The following LONRF2 variants were observed in gnomAD, a reference collection of about 807,000 sequenced individuals.
LONRF2 encodes the protein LON peptidase N-terminal domain and RING finger protein 2.
Under a neutral mutation model 66.6 loss-of-function variants are expected in LONRF2, and 35 were observed. The observed-to-expected ratio is 0.53, with a 90% CI of 0.40 to 0.70. The LOEUF is 0.70. LONRF2 is among the 30% of genes least tolerant of loss of function. The pLI, the probability that LONRF2 is intolerant of heterozygous loss-of-function variation, is 0.00. For missense variants in LONRF2, 902 were observed against 1,002.1 expected (o/e 0.90, Z 1.35); for synonymous variants, 417 against 418.1 (o/e 1.00, Z 0.03).
chr2:100,293,385 C>T (rs1264309896), intron 9 of LONRF2, among the ~76,000 whole-genome samples: 1 of 152,242 alleles, frequency 6.6e-6, no homozygotes, highest in Non-Finnish European at 1.5e-5. Context: ...GTCTCCTCTT[C>T]TTCCTGGGCA....
Position 100,302,902 on chromosome 2 carries a change from C to G in LONRF2, c.921+19G>C, listed in dbSNP as rs996648010. ...ATAAATAAGACCTGATAGAGAAAGT[C>G]CTTTAACAGAACTCATACCTTCTGT... On this transcript the variant is annotated intron_variant, in intron 3 of 11. Transcript: ENST00000393437. The G allele has an allele frequency of 3.8e-6, 6 of 1,574,626 alleles. No individual in the cohort carries two copies. In the Admixed American group the frequency reaches 1.1e-4, roughly 29 times the overall value.
intron 10 of LONRF2, among the ~76,000 whole-genome samples, chr2:100,289,046 T>C (rs1043381602): frequency 6.6e-6 from 1 of 152,242 alleles, no homozygotes; most frequent in Non-Finnish European, 1.5e-5. Context: ...GGTTAATAAA[T>C]TCAAGTCTTT....
At chr2:100,288,168 C>A (rs1674885112) in intron 10 of LONRF2, among the ~76,000 whole-genome samples, 1 of 152,214 alleles carries the variant, frequency 6.6e-6, no homozygotes, top group African/African-American at 2.4e-5. Flanking sequence ...CACAGAGAGA[C>A]CCTGAGAATT....
Position 100,288,295 on chromosome 2 carries a change from G to A in LONRF2, c.1921-1232C>T, listed in dbSNP as rs191095174. Among the ~76,000 whole-genome samples, 7 of 152,332 alleles carry A rather than the reference G, an allele frequency of 4.6e-5. No individual in the cohort carries two copies. In the East Asian group the frequency reaches 1.4e-3, roughly 29 times the overall value. On this transcript the variant is annotated intron_variant, in intron 10 of 11. Transcript: ENST00000393437. The stretch of plus-strand genomic sequence containing the variant: ...AAACAGCAGCTGGAGGAGGCACAGA[G>A]ACAGTGTCCTGGGTGTGACTCCATT...
Position 100,283,364 on chromosome 2 carries a change from T to C in LONRF2, c.*934A>G, listed in dbSNP as rs1674778746. 1 of 152,228 alleles carries C rather than the reference T, an allele frequency of 6.6e-6. No homozygotes were observed. The highest frequency in any genetic ancestry group is 2.4e-5 in the African/African-American group (1 of 41,454). 9.4% of individuals were successfully genotyped at this position (152,228 alleles called of 1,614,324 possible). ...TGGCATGGCAGATTTTTTAATGTTT[T>C]TGTATATTAATAAATGGATAGTAAA... On this transcript the variant is annotated 3_prime_UTR_variant, in exon 12 of 12. Transcript: ENST00000393437.
intron 1 of LONRF2, among the ~76,000 whole-genome samples, chr2:100,310,697 T>C (rs1453634327): frequency 6.6e-6 from 1 of 152,238 alleles, no homozygotes; most frequent in Non-Finnish European, 1.5e-5. Context: ...TTGCTGGGTA[T>C]GGATAACTGG....
In LONRF2 at chr2:100,279,803, C is replaced by T. The variant is rs561499865; in HGVS notation, c.*4495G>A. The T allele has an allele frequency of 1.3e-5, 2 of 152,342 alleles. No homozygotes were observed. The highest frequency in any genetic ancestry group is 2.4e-5 in the African/African-American group (1 of 41,568). 9.4% of individuals were successfully genotyped at this position (152,342 alleles called of 1,614,324 possible). On this transcript the variant is annotated 3_prime_UTR_variant, in exon 12 of 12. Transcript: ENST00000393437. ...CCACCTGTATAGCCTAGAGTCTGAG[C>T]TGTTATTCAGACCAGCCAGTCTTAG...
intron 2 of LONRF2, among the ~76,000 whole-genome samples, chr2:100,306,176 A>T (rs1411051557): frequency 6.6e-6 from 1 of 152,008 alleles, no homozygotes; most frequent in African/African-American, 2.4e-5. Context: ...AGCCTCCCAA[A>T]GTGCTGGGAT....
Position 100,284,052 on chromosome 2 carries a change from A to C in LONRF2, c.*246T>G. 2 of 391,892 alleles carry C rather than the reference A, an allele frequency of 5.1e-6. No homozygotes were observed. The highest frequency in any genetic ancestry group is 4.1e-5 in the African/African-American group (2 of 48,734). The allele number at this position is 391,892 out of a possible 1,614,324, so 24.3% of individuals were successfully genotyped here. ...TGCATTCCCCAAGCACCTGCTTCTA[A>C]GAGATTTTCTTAGGTTGTTTTCCAA... On this transcript the variant is annotated 3_prime_UTR_variant, in exon 12 of 12. Coordinates refer to ENST00000393437, the MANE Select transcript of LONRF2 (RefSeq NM_198461.4).
chr2:100,277,758 C>T lies in LONRF2; in HGVS notation c.*6540G>A. The T allele has an allele frequency of 6.6e-6, 1 of 152,202 alleles. No individual in the cohort carries two copies. Among genetic ancestry groups the T allele is most frequent in the East Asian group, 1.9e-4 (1 of 5,196 alleles). The allele number at this position is 152,202 out of a possible 1,614,324, so 9.4% of individuals were successfully genotyped here. ...TTAACGCTGGATGCCCTGGTCAGCA[C>T]AGCGCCCCAGCTTCACATTTATGGC... On this transcript the variant is annotated 3_prime_UTR_variant, in exon 12 of 12. Transcript: ENST00000393437.
At position 100,299,878 on chromosome 2, in the gene LONRF2, G is replaced by T; in HGVS notation, c.1106C>A (p.Ser369Tyr). Reference protein sequence around the residue: ...EKSDMLGNTNSSVLYFILGLH... With the variant: ...EKSDMLGNTNYSVLYFILGLH... The stretch of plus-strand genomic sequence containing the variant: ...ACCCAGTATAAAATACAAAACTGAA[G>T]AATTGGTATTTCCAAGCATATCAGA... The change falls in exon 5 of 12, where the codon TCT becomes TAT. Residue 369 changes from serine to tyrosine, a missense_variant. Ser to Tyr is a moderately radical substitution (Grantham distance 144). Coordinates refer to ENST00000393437, the MANE Select transcript of LONRF2 (RefSeq NM_198461.4). 1.2e-6 allele frequency: 2 copies of T among 1,611,892 alleles called. No homozygotes were observed. The highest frequency in any genetic ancestry group is 1.7e-6 in the Non-Finnish European group (2 of 1,178,236).
intron 1 of LONRF2, among the ~76,000 whole-genome samples, chr2:100,313,805 G>A (rs1675453675): frequency 6.6e-6 from 1 of 151,976 alleles, no homozygotes; most frequent in African/African-American, 2.4e-5. Context: ...ACTTTATCCT[G>A]TTTTCTAACT....
intron 9 of LONRF2, among the ~76,000 whole-genome samples, chr2:100,291,991 G>C (rs1366908023): frequency 6.6e-6 from 1 of 152,164 alleles, no homozygotes; most frequent in Non-Finnish European, 1.5e-5. Context: ...GAGCCAAAAT[G>C]AGAACTCATG....
At chr2:100,292,560 C>T (rs1674983809) in intron 9 of LONRF2, among the ~76,000 whole-genome samples, 1 of 152,062 alleles carries the variant, frequency 6.6e-6, no homozygotes, top group Admixed American at 6.5e-5. Flanking sequence ...TCTGTTTTTT[C>T]TTGTTTTTCT....
chr2:100,321,764 G>A lies in LONRF2; in HGVS notation c.330C>T (p.Asp110=). 1 of 1,040,852 alleles carries A rather than the reference G, an allele frequency of 9.6e-7. No homozygotes were observed. The highest frequency in any genetic ancestry group is 1.2e-6 in the Non-Finnish European group (1 of 868,888). The allele number at this position is 1,040,852 out of a possible 1,614,324, so 64.5% of individuals were successfully genotyped here. ...GGLVRAVGLR[D]RPLSAENPGG... is the part of the protein sequence containing the mutation. ...CCGGGTTCTCCGCGGACAGCGGCCG[G>A]TCGCGCAGGCCCACGGCGCGCACCA... The change falls in exon 1 of 12, where the codon GAC becomes GAT. Residue 110 remains aspartate (D), a synonymous_variant. Coordinates refer to ENST00000393437, the MANE Select transcript of LONRF2 (RefSeq NM_198461.4).
chr2:100,284,844 T>A (rs181484032), intron 11 of LONRF2, among the ~76,000 whole-genome samples: 2 of 152,200 alleles, frequency 1.3e-5, no homozygotes, highest in Non-Finnish European at 2.9e-5. Flanking sequence ...TGTGCTATTA[T>A]TTTTTATGTC....
At chr2:100,307,817 A>C (rs1188032357) in intron 2 of LONRF2, among the ~76,000 whole-genome samples, 1 of 152,220 alleles carries the variant, frequency 6.6e-6, no homozygotes, top group African/African-American at 2.4e-5. Flanking sequence ...CATTGTATAC[A>C]TGTTTCAAAT....
intron 1 of LONRF2, among the ~76,000 whole-genome samples, chr2:100,319,898 C>G (rs1354835371): frequency 6.6e-6 from 1 of 152,082 alleles, no homozygotes; most frequent in South Asian, 2.1e-4. Flanking sequence ...GTAGATACTA[C>G]CAAATATTTT....
chr2:100,272,144 T>C lies in LONRF2; in HGVS notation c.*12154A>G, dbSNP rs954846364. Among the ~76,000 whole-genome samples the C allele has an allele frequency of 6.6e-6, 1 of 152,240 alleles. No homozygotes were observed. The highest frequency in any genetic ancestry group is 2.4e-5 in the African/African-American group (1 of 41,458). On this transcript the variant is annotated 3_prime_UTR_variant, in exon 12 of 12. Transcript: ENST00000393437. ...CCCATATCCATGTTAGAGGAAGAACTTAAATATCATTCTCTCTTTAGTAAC... is the reference window on the plus strand; with the variant it reads ...CCCATATCCATGTTAGAGGAAGAACCTAAATATCATTCTCTCTTTAGTAAC...
Sources: allele counts gnomAD v4.1 joint callset (sites outside exome capture counted in the v4.1 genomes callset), GRCh38; gene constraint gnomAD v4.1.1; transcripts MANE v1.5; gene names NCBI Gene and HGNC (gene_info 2026-07-23, HGNC 2026-07-21).